The following PLXNB2 variants were observed in gnomAD, a reference collection of about 807,000 sequenced individuals.
PLXNB2 encodes plexin-B2.
In PLXNB2, 85 loss-of-function variants were observed where a neutral mutation model predicts 202.6. That is an observed-to-expected ratio of 0.42 (90% CI 0.35 to 0.50). PLXNB2 has a LOEUF of 0.50. Ranked by LOEUF, PLXNB2 falls within the 20% of genes least tolerant of loss-of-function variation. The probability of loss-of-function intolerance (pLI) is 0.02; values close to 1 mark genes in which losing one functional copy is unlikely to be tolerated. For missense variants in PLXNB2, 2,063 were observed against 2,586.2 expected (o/e 0.80, Z 4.39); for synonymous variants, 1,239 against 1,137.6 (o/e 1.09, Z -1.79).
rs2065695199 is a variant in PLXNB2 at position 50,277,588 on chromosome 22, C to T, written c.5196+3G>A. Reference sequence around the variant, plus strand: ...GCCCCAGACCTGCCCCCACCCCACTCACGCGGCTCAGCTTATGCTCCGTGC... The same window carrying T: ...GCCCCAGACCTGCCCCCACCCCACTTACGCGGCTCAGCTTATGCTCCGTGC... On this transcript the variant is annotated splice_donor_region_variant and intron_variant, in intron 33 of 36. Coordinates refer to ENST00000359337, the MANE Select transcript of PLXNB2 (RefSeq NM_012401.4). The T allele has an allele frequency of 6.4e-7, 1 of 1,561,184 alleles. No individual in the cohort carries two copies. The highest frequency in any genetic ancestry group is 1.8e-5 in the Admixed American group (1 of 54,840).
Position 50,284,371 on chromosome 22 carries a change from G to A in PLXNB2, c.2182-158C>T, listed in dbSNP as rs980673561. 28 of 751,288 alleles carry A rather than the reference G, an allele frequency of 3.7e-5. No individual in the cohort carries two copies. Among genetic ancestry groups the A allele is most frequent in the Middle Eastern group, 3.3e-4 (1 of 3,068 alleles). 46.5% of individuals were successfully genotyped at this position (751,288 alleles called of 1,614,324 possible). On this transcript the variant is annotated intron_variant, in intron 12 of 36. Coordinates refer to ENST00000359337, the MANE Select transcript of PLXNB2 (RefSeq NM_012401.4). The surrounding 1 kb of genome is among the most constrained non-coding windows in gnomAD (Gnocchi z 8.0). ...TCGGAAGTTCGGGAACCCCATGGAC[G>A]CTGCTCTGTGCCACTCTGTCCCCAG...
chr22:50,289,137 G>T lies in PLXNB2; in HGVS notation c.1074C>A (p.Ser358=). Residue 358 remains serine (S), a synonymous_variant, in exon 4 of 37, where the codon TCC becomes TCA. Coordinates refer to ENST00000359337, the MANE Select transcript of PLXNB2 (RefSeq NM_012401.4). The surrounding 1 kb of genome is among the most constrained non-coding windows in gnomAD (Gnocchi z 8.0). ...CCGAGCCACATGGGAAGCTCTTGCT[G>T]GAGCCCTGCGGACCACAGCGTGTCA... ...DIQCGGHAPG[S]SKSFPCGSEH... The T allele has an allele frequency of 6.4e-7, 1 of 1,571,514 alleles. No homozygotes were observed. Among genetic ancestry groups the T allele is most frequent in the Non-Finnish European group, 8.6e-7 (1 of 1,159,924 alleles).
rs776358959 is a variant in PLXNB2 at position 50,281,511 on chromosome 22, G to A, written c.3523-12C>T. 7 of 1,610,130 alleles carry A rather than the reference G, an allele frequency of 4.3e-6. No individual in the cohort carries two copies. Among genetic ancestry groups the A allele is most frequent in the Non-Finnish European group, 5.9e-6 (7 of 1,178,734 alleles). On this transcript the variant is annotated splice_polypyrimidine_tract_variant and intron_variant, in intron 21 of 36. Transcript: ENST00000359337. ...GAGCCGAACTTCACCTGTGTGGGGG[G>A]CCGGGTTCAGCGCGGTCCCGTGGGG...
intron 2 of PLXNB2, among the ~76,000 whole-genome samples, chr22:50,292,698 C>T (rs1401033466): frequency 6.6e-6 from 1 of 152,030 alleles, no homozygotes; most frequent in African/African-American, 2.4e-5. Flanking sequence ...TTGGGTGAAG[C>T]TGCATTTACT....
In PLXNB2 at chr22:50,294,679, G is replaced by GC. The variant is rs770445856; in HGVS notation, c.-14+39dup. 534 of 924,740 alleles carry GC rather than the reference G, an allele frequency of 5.8e-4. 1 individual carries two copies. The highest frequency in any genetic ancestry group is 6.7e-4 in the Non-Finnish European group (517 of 774,124). The allele number at this position is 924,740 out of a possible 1,614,324, so 57.3% of individuals were successfully genotyped here. ...TACCTCCGGCCTCCCTGTCCACATA[G>GC]CCCCAGCCACCCACTGCCTTTCCCA... On this transcript the variant is annotated intron_variant, in intron 2 of 36. Transcript: ENST00000359337.
Position 50,288,740 on chromosome 22 carries a change from C to T in PLXNB2, c.1380+3G>A. On this transcript the variant is annotated splice_donor_region_variant and intron_variant, in intron 5 of 36. Transcript: ENST00000359337. The surrounding 1 kb of genome is among the most constrained non-coding windows in gnomAD (Gnocchi z 5.0). ...GTGCTCTCCGGGGCTGCGTCTGGCT[C>T]ACCTTGTCCTGGGTCATGGCGTACA... 1 of 1,612,802 alleles carries T rather than the reference C, an allele frequency of 6.2e-7. No homozygotes were observed. The highest frequency in any genetic ancestry group is 1.1e-5 in the South Asian group (1 of 91,060).
rs551086650 is a variant in PLXNB2, at chr22:50,283,148, C to A, written c.2718G>T (p.Pro906=). The A allele has an allele frequency of 2.5e-6, 4 of 1,597,238 alleles. No homozygotes were observed. The highest frequency in any genetic ancestry group is 2.2e-5 in the South Asian group (2 of 89,334). ...KPLSVEPQQG[P]QAGGTTLTIH... is the part of the protein sequence containing the mutation. ...TGGTCAGTGTGGTGCCGCCCGCCTG[C>A]GGTCCCTGCTGCGGCTCCACACTGA... The change falls in exon 17 of 37, where the codon CCG becomes CCT. Residue 906 remains proline (P), a synonymous_variant. Transcript: ENST00000359337.
At chr22:50,296,544 A>T (rs2067285172) in intron 1 of PLXNB2, among the ~76,000 whole-genome samples, 1 of 146,856 alleles carries the variant, frequency 6.8e-6, no homozygotes, top group African/African-American at 2.6e-5. Context: ...GAGAGCTGAG[A>T]TCACACCATT....
chr22:50,304,832 C>G (rs2067829898), intron 1 of PLXNB2, among the ~76,000 whole-genome samples: 1 of 152,140 alleles, frequency 6.6e-6, no homozygotes. Context: ...GGATCTGCCT[C>G]AGAGAAGGGA....
chr22:50,295,193 C>T (rs1267947175), intron 1 of PLXNB2, among the ~76,000 whole-genome samples: 4 of 151,202 alleles, frequency 2.6e-5, no homozygotes, highest in Admixed American at 1.3e-4. Context: ...TGGTGGCGGG[C>T]AGCTGTAGTC....
Position 50,289,282 on chromosome 22 carries a change from T to A in PLXNB2, c.1069-140A>T. 2 of 935,620 alleles carry A rather than the reference T, an allele frequency of 2.1e-6. No homozygotes were observed. Among genetic ancestry groups the A allele is most frequent in the East Asian group, 2.7e-5 (1 of 37,610 alleles). The allele number at this position is 935,620 out of a possible 1,614,324, so 58.0% of individuals were successfully genotyped here. ...CACGTCCCCGAGAACAGAACCCACA[T>A]GGCAGGGAGCCCCACCGTGCTCACT... is the stretch of plus-strand genomic sequence containing the variant. On this transcript the variant is annotated intron_variant, in intron 3 of 36. Coordinates refer to ENST00000359337, the MANE Select transcript of PLXNB2 (RefSeq NM_012401.4). This position sits in a 1 kb window ranked among gnomAD's most constrained non-coding sequence, Gnocchi z 8.0.
rs1185983262 is a variant in PLXNB2 at position 50,277,750 on chromosome 22, C to G, written c.5049-12G>C. The G allele has an allele frequency of 2.7e-5, 43 of 1,593,378 alleles. No individual in the cohort carries two copies. The highest frequency in any genetic ancestry group is 3.6e-5 in the Non-Finnish European group (42 of 1,166,234). On this transcript the variant is annotated splice_polypyrimidine_tract_variant and intron_variant, in intron 32 of 36. Transcript: ENST00000359337. ...ACCGGAGCGGTAAGCTGAGGCAGAG[C>G]AGCAGGGAATGAGAGCCGGGGCTGG...
Position 50,284,093 on chromosome 22 carries a change from C to A in PLXNB2, c.2263+39G>T, listed in dbSNP as rs778440438. On this transcript the variant is annotated intron_variant, in intron 13 of 36. Transcript: ENST00000359337. This position sits in a 1 kb window ranked among gnomAD's most constrained non-coding sequence, Gnocchi z 8.0. The stretch of plus-strand genomic sequence containing the variant: ...CCCCACCCACCGCCTTGTGCCCACC[C>A]GTCCCCTGCCCGCCCCCCACTGCGC... 29 of 1,583,254 alleles carry A rather than the reference C, an allele frequency of 1.8e-5. No homozygotes were observed. Among genetic ancestry groups the A allele is most frequent in the Non-Finnish European group, 2.4e-5 (28 of 1,166,404 alleles).
rs201928186 is a variant in PLXNB2 at position 50,282,162 on chromosome 22, C to G, written c.3117+22G>C. 5,961 of 1,604,982 alleles carry G rather than the reference C, an allele frequency of 3.7e-3. 26 individuals carry two copies. Among genetic ancestry groups the G allele is most frequent in the South Asian group, 6.0e-3 (539 of 90,362 alleles). Reference sequence around the variant, plus strand: ...ACGATCCCATGGGCCGGTGCCAGAGCTGAGCCCACGCCAGGACTGACCGTC... The same window carrying G: ...ACGATCCCATGGGCCGGTGCCAGAGGTGAGCCCACGCCAGGACTGACCGTC... On this transcript the variant is annotated intron_variant, in intron 19 of 36. Transcript: ENST00000359337.
intron 25 of PLXNB2, 82 bp from the exon 26 acceptor site, chr22:50,280,153 C>T (rs1258044274): frequency 1.7e-6 from 2 of 1,190,754 alleles, no homozygotes; most frequent in Non-Finnish European, 1.2e-6. Context: ...ACCCGGCCAC[C>T]CTTGCGCCAG....
rs746387640 is a variant in PLXNB2, at chr22:50,278,622, G to A, written c.4621C>T (p.Arg1541Cys). The A allele has an allele frequency of 1.9e-6, 3 of 1,612,892 alleles. No individual in the cohort carries two copies. Among genetic ancestry groups the A allele is most frequent in the African/African-American group, 1.3e-5 (1 of 75,032 alleles). Residue 1541 changes from arginine (R) to cysteine (C), a missense_variant, in exon 29 of 37, where the codon CGC (arginine) becomes TGC (cysteine). Around this residue, in one of 2 missense-constraint regions of PLXNB2, gnomAD observed 760 missense variants for 1,109.4 expected, o/e 0.69. Transcript: ENST00000359337. ...LTSQREGRWKRVNTLMHYNVR... is the reference protein window; with the variant it reads ...LTSQREGRWKCVNTLMHYNVR... ...TTGTAGTGCATAAGGGTGTTGACGC[G>A]CTTCCACCGGCCCTCCCGCTGTGAC...
chr22:50,276,599 C>G lies in PLXNB2; in HGVS notation c.5337+30G>C, dbSNP rs900138988. Reference sequence around the variant, plus strand: ...CATGGGGTAGTGGGAGCGGGGAGGGCTGTGGGTGCGTCCCTGGTGGTCTCC... The same window carrying G: ...CATGGGGTAGTGGGAGCGGGGAGGGGTGTGGGTGCGTCCCTGGTGGTCTCC... On this transcript the variant is annotated intron_variant, in intron 35 of 36. Transcript: ENST00000359337. The G allele has an allele frequency of 1.3e-5, 20 of 1,569,838 alleles. No individual in the cohort carries two copies. In the Middle Eastern group the frequency reaches 6.6e-4, roughly 52 times the overall value.
chr22:50,292,777 CTT>C (rs1601741197), intron 2 of PLXNB2, among the ~76,000 whole-genome samples: 1 of 152,224 alleles, frequency 6.6e-6, no homozygotes, highest in South Asian at 2.1e-4. Flanking sequence ...CCTGAAATCT[CTT>C]GAGGTGTAAC....
At position 50,283,942 on chromosome 22, in the gene PLXNB2, C is replaced by A. The variant is rs1280294689; in HGVS notation, c.2312G>T (p.Arg771Leu). 1.9e-6 allele frequency: 3 copies of A among 1,560,902 alleles called. No homozygotes were observed. Among genetic ancestry groups the A allele is most frequent in the East Asian group, 2.4e-5 (1 of 42,082 alleles). ...SFGRSDCSLC[R>L]AANPDYRCAW... is the part of the protein sequence containing the mutation. ...ACACCTGTAGTCGGGGTTAGCGGCC[C>A]GGCACAGGCTGCAGTCGCTGCGGCC... The change falls in exon 14 of 37, where the codon CGG (arginine) becomes CTG (leucine). Residue 771 changes from arginine to leucine, a missense_variant. Arg to Leu is a moderately radical substitution (Grantham distance 102). This residue lies in a region of PLXNB2 where 1,303 missense variants were observed against 1,476.8 expected (regional missense o/e 0.88). Transcript: ENST00000359337.
Sources: gnomAD v4.1 joint callset for allele counts (sites outside exome capture counted in the v4.1 genomes callset) on GRCh38, gnomAD v4.1.1 for gene constraint, gnomAD v4.1.1 regional missense constraint, Gnocchi (gnomAD v3.1) non-coding constraint, MANE v1.5 for transcripts, NCBI Gene and HGNC (gene_info 2026-07-23, HGNC 2026-07-21) for gene names.